Variants in SLC6A3 observed in about 807,000 individuals in gnomAD.
SLC6A3 encodes the protein sodium-dependent dopamine transporter.
Under a neutral mutation model 70.4 loss-of-function variants are expected in SLC6A3, and 19 were observed. The observed-to-expected ratio is 0.27, with a 90% CI of 0.19 to 0.40. The LOEUF (loss-of-function observed/expected upper bound fraction) is 0.40. Among genes scored for constraint, SLC6A3 ranks in the 10% least tolerant of loss-of-function variants. The probability of loss-of-function intolerance (pLI) is 1.00; values close to 1 mark genes in which losing one functional copy is unlikely to be tolerated. For synonymous variants in SLC6A3, 368 were observed against 356.6 expected (o/e 1.03, Z -0.36); for missense variants, 613 against 838.5 (o/e 0.73, Z 3.32).
intron 2 of SLC6A3, 64 bp from the exon 3 acceptor site, chr5:1,441,554 C>T: frequency 6.3e-7 from 1 of 1,575,418 alleles, no homozygotes; most frequent in East Asian, 2.3e-5. Context: ...CTCGTGGGAG[C>T]TTGGGCGGCT....
In SLC6A3 at chr5:1,436,474, C is replaced by G. The variant is rs577444434; in HGVS notation, c.419-3776G>C. Among the ~76,000 whole-genome samples the G allele has an allele frequency of 7.2e-5, 11 of 152,286 alleles. No individual in the cohort carries two copies. Among genetic ancestry groups the G allele is most frequent in the African/African-American group, 2.6e-4 (11 of 41,550 alleles). ...AACATTCATGAGAACATGGCGCTTC[C>G]CTTCCCTCCTGTCTGACTCCCAGGA... is the stretch of plus-strand genomic sequence containing the variant. On this transcript the variant is annotated intron_variant, in intron 3 of 14. Coordinates refer to ENST00000270349, the MANE Select transcript of SLC6A3 (RefSeq NM_001044.5). The surrounding 1 kb of genome is among the most constrained non-coding windows in gnomAD (Gnocchi z 5.2).
At chr5:1,398,694 G>T (rs60684878) in intron 14 of SLC6A3, among the ~76,000 whole-genome samples, 7,741 of 152,274 alleles carry the variant, frequency 0.051, 576 homozygotes, top group African/African-American at 0.16. Flanking sequence ...AAACTCAAAA[G>T]ACACCTTGGT....
At chr5:1,414,910 G>T in intron 7 of SLC6A3, 95 bp from the exon 8 acceptor site, 2 of 1,530,378 alleles carry the variant, frequency 1.3e-6, no homozygotes, top group East Asian at 2.3e-5. Context: ...TCTGGGGAAG[G>T]GGGCGGGAGG....
At chr5:1,407,676 G>A (rs1393292277) in intron 11 of SLC6A3, among the ~76,000 whole-genome samples, 3 of 152,218 alleles carry the variant, frequency 2.0e-5, no homozygotes. Flanking sequence ...GGCAATTCAA[G>A]GCACTTTCTC....
intron 6 of SLC6A3, chr5:1,416,434 T>A (rs1756293525): frequency 6.7e-6 from 4 of 600,724 alleles, no homozygotes; most frequent in Non-Finnish European, 1.2e-5. Flanking sequence ...TGTTCATTGA[T>A]CTGGGATTCC....
At chr5:1,431,011 A>G (rs1350707510) in intron 4 of SLC6A3, among the ~76,000 whole-genome samples, 2 of 152,240 alleles carry the variant, frequency 1.3e-5, no homozygotes, top group Non-Finnish European at 1.5e-5. Flanking sequence ...GAGCCCCCCA[A>G]ACAGGAGCGC....
chr5:1,395,025 A>G (rs891109645), intron 14 of SLC6A3, among the ~76,000 whole-genome samples: 1 of 152,196 alleles, frequency 6.6e-6, no homozygotes, highest in South Asian at 2.1e-4. Context: ...CGTGGTGGCC[A>G]TGGTGGCCTC....
chr5:1,402,872 C>A lies in SLC6A3; in HGVS notation c.1767+50G>T, dbSNP rs1334649919. The A allele has an allele frequency of 1.3e-6, 2 of 1,594,702 alleles. No individual in the cohort carries two copies. The highest frequency in any genetic ancestry group is 1.7e-6 in the Non-Finnish European group (2 of 1,167,954). On this transcript the variant is annotated intron_variant, in intron 13 of 14. Transcript: ENST00000270349. The surrounding 1 kb of genome is among the most constrained non-coding windows in gnomAD (Gnocchi z 8.5). Reference sequence around the variant, plus strand: ...CTGGGGCCATGGACACCCACGGAGCCTTTCTGGTGGCCTCACACTCGGGTG... The same window carrying A: ...CTGGGGCCATGGACACCCACGGAGCATTTCTGGTGGCCTCACACTCGGGTG...
At chr5:1,409,899 G>A (rs541020732) in intron 9 of SLC6A3, 50 bp from the exon 10 acceptor site, 27 of 1,609,002 alleles carry the variant, frequency 1.7e-5, no homozygotes, top group Admixed American at 5.0e-5. Flanking sequence ...GCTCCTGACC[G>A]CAGCCTGGGC....
In SLC6A3 at chr5:1,437,251, C is replaced by CAAAAA. The variant is rs113262982; in HGVS notation, c.418+4103_418+4107dup. Among the ~76,000 whole-genome samples the CAAAAA allele has an allele frequency of 4.3e-5, 5 of 116,872 alleles. No individual in the cohort carries two copies. The highest frequency in any genetic ancestry group is 9.1e-5 in the Admixed American group (1 of 10,964). The allele number at this position is 116,872 out of a possible 152,430, so 76.7% of individuals were successfully genotyped here. ...GGTGACAGAGCGAGATTCCGTCTCA[C>CAAAAA]AAAAAAAAAAAAAAAGAAAAGAAAA... On this transcript the variant is annotated intron_variant, in intron 3 of 14. Coordinates refer to ENST00000270349, the MANE Select transcript of SLC6A3 (RefSeq NM_001044.5). This position sits in a 1 kb window ranked among gnomAD's most constrained non-coding sequence, Gnocchi z 4.8.
rs1008528139 is a variant in SLC6A3 at position 1,396,313 on chromosome 5, G to A, written c.1840-1555C>T. ...AGGGATCGAATTTACCCTACTGTCCGAAACAAGCCCCAAATAAACAAAACA... is the reference window on the plus strand; with the variant it reads ...AGGGATCGAATTTACCCTACTGTCCAAAACAAGCCCCAAATAAACAAAACA... On this transcript the variant is annotated intron_variant, in intron 14 of 14. Coordinates refer to ENST00000270349, the MANE Select transcript of SLC6A3 (RefSeq NM_001044.5). This position sits in a 1 kb window ranked among gnomAD's most constrained non-coding sequence, Gnocchi z 7.0. Among the ~76,000 whole-genome samples the A allele has an allele frequency of 4.6e-5, 7 of 152,318 alleles. No individual in the cohort carries two copies. The highest frequency in any genetic ancestry group is 1.9e-4 in the East Asian group (1 of 5,190).
rs574599326 is a variant in SLC6A3 at position 1,424,654 on chromosome 5, G to A, written c.654-2640C>T. ...ATGGCACAGGCCCTCCTGGACCAGAGGGGGAGGCCCAGGGAAAGTGCGCTG... is the reference window on the plus strand; with the variant it reads ...ATGGCACAGGCCCTCCTGGACCAGAAGGGGAGGCCCAGGGAAAGTGCGCTG... On this transcript the variant is annotated intron_variant, in intron 4 of 14. Coordinates refer to ENST00000270349, the MANE Select transcript of SLC6A3 (RefSeq NM_001044.5). Among the ~76,000 whole-genome samples, 5 of 152,372 alleles carry A rather than the reference G, an allele frequency of 3.3e-5. No homozygotes were observed. In the South Asian group the frequency reaches 1.0e-3, roughly 32 times the overall value.
intron 3 of SLC6A3, among the ~76,000 whole-genome samples, chr5:1,439,748 G>A (rs934779763): frequency 6.6e-6 from 1 of 152,226 alleles, no homozygotes; most frequent in African/African-American, 2.4e-5. Flanking sequence ...AATTTTCTGA[G>A]TGGTGCCTCT....
rs1314624871 is a variant in SLC6A3 at position 1,396,498 on chromosome 5, C to G, written c.1840-1740G>C. Among the ~76,000 whole-genome samples the G allele has an allele frequency of 6.6e-6, 1 of 152,182 alleles. No individual in the cohort carries two copies. Among genetic ancestry groups the G allele is most frequent in the Admixed American group, 6.5e-5 (1 of 15,276 alleles). The stretch of plus-strand genomic sequence containing the variant: ...GGTGCAGCCTGGTGGACTCCCTGAG[C>G]TGAGACGCTGGAAAGGAGAGCGAGG... On this transcript the variant is annotated intron_variant, in intron 14 of 14. Coordinates refer to ENST00000270349, the MANE Select transcript of SLC6A3 (RefSeq NM_001044.5). The surrounding 1 kb of genome is among the most constrained non-coding windows in gnomAD (Gnocchi z 7.0).
rs368997450 is a variant in SLC6A3 at position 1,406,338 on chromosome 5, C to T, written c.1499-50G>A. The T allele has an allele frequency of 1.0e-5, 15 of 1,466,074 alleles. No individual in the cohort carries two copies. Among genetic ancestry groups the T allele is most frequent in the East Asian group, 4.5e-5 (2 of 44,232 alleles). The allele number at this position is 1,466,074 out of a possible 1,614,324, so 90.8% of individuals were successfully genotyped here. ...TGTCCATCAGGGCAGCGCATTCCCC[C>T]GATGCTGGACACGTGTGGGGGTCCT... is the stretch of plus-strand genomic sequence containing the variant. On this transcript the variant is annotated intron_variant, in intron 11 of 14. Coordinates refer to ENST00000270349, the MANE Select transcript of SLC6A3 (RefSeq NM_001044.5). This position sits in a 1 kb window ranked among gnomAD's most constrained non-coding sequence, Gnocchi z 8.8.
rs973639625 is a variant in SLC6A3, at chr5:1,437,623, G to A, written c.418+3736C>T. 3.9e-5 allele frequency among the ~76,000 whole-genome samples: 6 copies of A among 152,350 alleles called. No individual in the cohort carries two copies. Among genetic ancestry groups the A allele is most frequent in the East Asian group, 1.9e-4 (1 of 5,176 alleles). On this transcript the variant is annotated intron_variant, in intron 3 of 14. Transcript: ENST00000270349. The surrounding 1 kb of genome is among the most constrained non-coding windows in gnomAD (Gnocchi z 4.8). ...TCTGGTGAGACTACGGGAAATGCAC[G>A]TGAGTCATGGCTGCTGAGCAGCTGG...
At chr5:1,418,653 G>T (rs1756362320) in intron 6 of SLC6A3, among the ~76,000 whole-genome samples, 2 of 142,320 alleles carry the variant, frequency 1.4e-5, no homozygotes, top group Admixed American at 1.4e-4. Context: ...ATGCTATCCA[G>T]CTACCTATCA....
intron 3 of SLC6A3, among the ~76,000 whole-genome samples, chr5:1,440,038 C>G (rs527370347): frequency 6.6e-6 from 1 of 152,248 alleles, no homozygotes; most frequent in Non-Finnish European, 1.5e-5. Flanking sequence ...GCCACCTGCA[C>G]TCAACACGAG....
intron 9 of SLC6A3, 116 bp from the exon 10 acceptor site, chr5:1,409,965 G>A (rs1307681712): frequency 7.5e-7 from 1 of 1,330,514 alleles, no homozygotes; most frequent in Non-Finnish European, 1.1e-6. Context: ...CGGAACAGGG[G>A]CCACATGGCC....
Sources: gnomAD v4.1 joint callset for allele counts (sites outside exome capture counted in the v4.1 genomes callset) on GRCh38, gnomAD v4.1.1 for gene constraint, Gnocchi (gnomAD v3.1) non-coding constraint, MANE v1.5 for transcripts, NCBI Gene and HGNC (gene_info 2026-07-23, HGNC 2026-07-21) for gene names.